The following GRIN2A variants were observed in gnomAD, a reference collection of about 807,000 sequenced individuals.
GRIN2A encodes glutamate ionotropic receptor NMDA type subunit 2A.
In GRIN2A, 22 loss-of-function variants were observed where a neutral mutation model predicts 113.4. That is an observed-to-expected ratio of 0.19 (90% confidence interval 0.14 to 0.28). The LOEUF is 0.28. GRIN2A is among the 10% of genes least tolerant of loss of function. GRIN2A has a pLI of 1.00. For missense variants in GRIN2A, 1,502 were observed against 1,887.0 expected (o/e 0.80, Z 3.78); for synonymous variants, 827 against 738.4 (o/e 1.12, Z -1.94).
intron 3 of GRIN2A, among the ~76,000 whole-genome samples, chr16:9,898,978 T>A (rs192803010): frequency 6.6e-6 from 1 of 152,202 alleles, no homozygotes; most frequent in East Asian, 1.9e-4. Flanking sequence ...TCCCAACTCA[T>A]CCACCTCCTC....
intron 8 of GRIN2A, among the ~76,000 whole-genome samples, chr16:9,832,446 T>C (rs1268870203): frequency 6.6e-6 from 1 of 152,154 alleles, no homozygotes; most frequent in Non-Finnish European, 1.5e-5. Context: ...ATCACTATCA[T>C]GTCACTATGT....
chr16:10,112,823 G>A, intron 2 of GRIN2A: 1 of 640,706 alleles, frequency 1.6e-6, no homozygotes, highest in South Asian at 1.5e-5. Context: ...AGTGGACCAT[G>A]TCAGCCCAGA....
At chr16:9,811,533 C>T (rs576038683) in intron 10 of GRIN2A, among the ~76,000 whole-genome samples, 228 of 152,150 alleles carry the variant, frequency 1.5e-3, no homozygotes, top group African/African-American at 3.9e-3. Flanking sequence ...CCGAGACAGG[C>T]GGATCACTTG....
chr16:10,051,596 G>T (rs939205861), intron 2 of GRIN2A, among the ~76,000 whole-genome samples: 1 of 152,200 alleles, frequency 6.6e-6, no homozygotes, highest in African/African-American at 2.4e-5. Flanking sequence ...TGTGTCTGAG[G>T]GGGTGTATCA....
chr16:9,813,363 A>G (rs2042123452), intron 10 of GRIN2A, among the ~76,000 whole-genome samples: 1 of 152,200 alleles, frequency 6.6e-6, no homozygotes, highest in Non-Finnish European at 1.5e-5. Flanking sequence ...AAAAATAGAG[A>G]ATTATAGTCA....
At chr16:9,990,329 T>C (rs1168543110) in intron 2 of GRIN2A, among the ~76,000 whole-genome samples, 1 of 151,846 alleles carries the variant, frequency 6.6e-6, no homozygotes, top group African/African-American at 2.4e-5. Context: ...GGAACTAAAA[T>C]TGGGTGCTCA....
At chr16:10,179,768 A>C in intron 2 of GRIN2A, 2 of 560,548 alleles carry the variant, frequency 3.6e-6, no homozygotes, top group Non-Finnish European at 3.2e-6. Context: ...CACACACACC[A>C]AAGTGCTCCT....
In GRIN2A at chr16:9,963,747, T is replaced by G. The variant is rs372836020; in HGVS notation, c.415-25196A>C. Among the ~76,000 whole-genome samples, 14 of 152,352 alleles carry G rather than the reference T, an allele frequency of 9.2e-5. No homozygotes were observed. The East Asian group carries it at 1.5e-3, about 17-fold the overall frequency. On this transcript the variant is annotated intron_variant, in intron 2 of 12. Coordinates refer to ENST00000330684, the MANE Select transcript of GRIN2A (RefSeq NM_001134407.3). ...AGCCTCTGTATATTTATTGAGAATC[T>G]GCTATTCAATAATTCATCCATTCAA...
chr16:9,823,669 C>G (rs1296217487), intron 9 of GRIN2A, among the ~76,000 whole-genome samples: 1 of 152,164 alleles, frequency 6.6e-6, no homozygotes, highest in Non-Finnish European at 1.5e-5. Flanking sequence ...TCCTTACAAA[C>G]CCATGCCAGG....
chr16:10,094,170 C>T (rs1443196481), intron 2 of GRIN2A, among the ~76,000 whole-genome samples: 1 of 152,136 alleles, frequency 6.6e-6, no homozygotes, highest in African/African-American at 2.4e-5. Context: ...TGACTGGGTC[C>T]CTGGTTATAA....
At chr16:9,967,578 G>A (rs575728323) in intron 2 of GRIN2A, among the ~76,000 whole-genome samples, 63 of 152,234 alleles carry the variant, frequency 4.1e-4, no homozygotes, top group African/African-American at 1.0e-3. Flanking sequence ...GCTGGCGTGC[G>A]CCTGTAGTCT....
At chr16:10,088,275 A>G (rs927528772) in intron 2 of GRIN2A, among the ~76,000 whole-genome samples, 2 of 152,194 alleles carry the variant, frequency 1.3e-5, no homozygotes, top group African/African-American at 4.8e-5. Context: ...GCCTGGAAAT[A>G]CTGCCAACAT....
chr16:10,149,311 C>T (rs1261862685), intron 2 of GRIN2A, among the ~76,000 whole-genome samples: 2 of 152,106 alleles, frequency 1.3e-5, no homozygotes, highest in African/African-American at 4.8e-5. Context: ...ATTTGCATGC[C>T]TCTGTCAAAA....
intron 2 of GRIN2A, among the ~76,000 whole-genome samples, chr16:10,020,611 G>A (rs546488434): frequency 1.3e-5 from 2 of 152,122 alleles, no homozygotes; most frequent in Admixed American, 1.3e-4. Context: ...CTGGATTCAA[G>A]AGAGTCATAC....
chr16:10,048,875 T>A (rs1284062032), intron 2 of GRIN2A, among the ~76,000 whole-genome samples: 4 of 152,132 alleles, frequency 2.6e-5, no homozygotes, highest in African/African-American at 9.7e-5. Flanking sequence ...GCAGCTGGGA[T>A]CAGTGCAAGC....
chr16:9,969,052 C>G (rs2045617383), intron 2 of GRIN2A, among the ~76,000 whole-genome samples: 1 of 151,842 alleles, frequency 6.6e-6, no homozygotes. Context: ...TTTTTTTTCA[C>G]AGCAAGTCTG....
chr16:10,044,379 G>A (rs1376955961), intron 2 of GRIN2A, among the ~76,000 whole-genome samples: 2 of 151,686 alleles, frequency 1.3e-5, no homozygotes, highest in Non-Finnish European at 1.5e-5. Flanking sequence ...TTAAAATCAT[G>A]TGTACATGGC....
intron 2 of GRIN2A, among the ~76,000 whole-genome samples, chr16:9,979,973 G>A (rs1168331300): frequency 6.6e-6 from 1 of 151,170 alleles, no homozygotes; most frequent in Admixed American, 6.6e-5. Flanking sequence ...TATAACTAGG[G>A]AATAGTCCAG....
At chr16:9,768,819 A>G (rs767912230) in intron 12 of GRIN2A, 32 bp downstream of exon 12, 1 of 1,439,268 alleles carries the variant, frequency 6.9e-7, no homozygotes, top group Non-Finnish European at 9.8e-7. Context: ...ACCTGCTTGC[A>G]GTGCAAGAAA....
Sources: allele counts gnomAD v4.1 joint callset (sites outside exome capture counted in the v4.1 genomes callset), GRCh38; gene constraint gnomAD v4.1.1; transcripts MANE v1.5; gene names NCBI Gene and HGNC (gene_info 2026-07-23, HGNC 2026-07-21).